The following CCDC3 variants were observed in gnomAD, a reference collection of about 807,000 sequenced individuals.
CCDC3 encodes coiled-coil domain containing 3.
In CCDC3, 24 loss-of-function variants were observed where a neutral mutation model predicts 21.4. The observed-to-expected ratio is 1.12, with a 90% CI of 0.81 to 1.58. The LOEUF is 1.58. Ranked by LOEUF, CCDC3 falls within the 40% of genes most tolerant of loss-of-function variation. The pLI, the probability that CCDC3 is intolerant of heterozygous loss-of-function variation, is 0.00. For missense variants in CCDC3, 425 were observed against 360.9 expected, an observed-to-expected ratio of 1.18 and a Z score of -1.44; for synonymous variants, 186 against 166.0, an observed-to-expected ratio of 1.12 and a Z score of -0.93.
At chr10:12,917,388 G>A (rs1029387087) in intron 2 of CCDC3, among the ~76,000 whole-genome samples, 28 of 151,860 alleles carry the variant, frequency 1.8e-4, no homozygotes, top group African/African-American at 5.3e-4. Flanking sequence ...AGTAGAGACG[G>A]GGTTTCACCG....
intron 2 of CCDC3, among the ~76,000 whole-genome samples, chr10:12,905,526 G>A (rs1834156262): frequency 2.0e-5 from 3 of 152,242 alleles, no homozygotes; most frequent in African/African-American, 4.8e-5. Flanking sequence ...TGCCAGAGAC[G>A]CCCAAGAACC....
intron 5 of CCDC3, among the ~76,000 whole-genome samples, chr10:13,030,042 G>A (rs917176116): frequency 3.3e-5 from 5 of 152,192 alleles, no homozygotes; most frequent in African/African-American, 1.2e-4. Flanking sequence ...ATAATTGTCA[G>A]ATTCACCAAA....
rs149934361 is a variant in CCDC3, at chr10:13,062,231, A to G, written c.-270+11637T>C. The stretch of plus-strand genomic sequence containing the variant: ...TCAGAGCTTAGTCCTCAGTCTGAAT[A>G]TAAGGAATAATTGTGCTTCTCCTGA... On this transcript the variant is annotated intron_variant, in intron 4 of 6. Transcript: ENST00000378839. Among the ~76,000 whole-genome samples, 6 of 152,292 alleles carry G rather than the reference A, an allele frequency of 3.9e-5. No individual in the cohort carries two copies. In the East Asian group the frequency reaches 5.8e-4, roughly 15 times the overall value.
At chr10:13,025,749 TTGAG>T (rs1480147309) in intron 5 of CCDC3, among the ~76,000 whole-genome samples, 10 of 152,216 alleles carry the variant, frequency 6.6e-5, no homozygotes, top group African/African-American at 2.4e-4. Flanking sequence ...CTTTTGTAAC[TTGAG>T]TCTCACTCTC....
At position 12,898,131 on chromosome 10, in the gene CCDC3, G is replaced by A. The variant is rs996835547; in HGVS notation, c.*285C>T. Reference sequence around the variant, plus strand: ...CTCTCCCCAGTCAGGGCTCTTTCTGGGCTGCTCTGCAGGCGAGCATTCAGC... The same window carrying A: ...CTCTCCCCAGTCAGGGCTCTTTCTGAGCTGCTCTGCAGGCGAGCATTCAGC... On this transcript the variant is annotated 3_prime_UTR_variant, in exon 3 of 3. Transcript: ENST00000378825. 1.6e-5 allele frequency: 7 copies of A among 450,688 alleles called. No homozygotes were observed. Among genetic ancestry groups the A allele is most frequent in the Non-Finnish European group, 2.0e-5 (5 of 253,970 alleles). The allele number at this position is 450,688 out of a possible 1,614,324, so 27.9% of individuals were successfully genotyped here. A position where few individuals can be genotyped will look rare whatever the true frequency, so the allele number is the denominator to read the frequency against.
chr10:12,997,955 G>T (rs1835787968), intron 2 of CCDC3, among the ~76,000 whole-genome samples: 1 of 152,126 alleles, frequency 6.6e-6, no homozygotes, highest in Non-Finnish European at 1.5e-5. Flanking sequence ...AATGTTCTAA[G>T]AAAGTTTACA....
chr10:12,948,893 G>A (rs560439406), intron 2 of CCDC3, among the ~76,000 whole-genome samples: 35 of 84,256 alleles, frequency 4.2e-4, no homozygotes, highest in Admixed American at 1.1e-3. Context: ...CACCATGCCC[G>A]GCTAATTTTT....
intron 4 of CCDC3, among the ~76,000 whole-genome samples, chr10:13,058,937 A>G (rs1836717535): frequency 6.6e-6 from 1 of 152,118 alleles, no homozygotes; most frequent in Non-Finnish European, 1.5e-5. Flanking sequence ...CTTCACATAC[A>G]CTATCTCAAT....
intron 3 of CCDC3, among the ~76,000 whole-genome samples, chr10:13,088,317 T>C (rs1837137415): frequency 6.6e-6 from 1 of 152,190 alleles, no homozygotes; most frequent in Non-Finnish European, 1.5e-5. Context: ...GCTCTAAAGA[T>C]AGAAAGAATC....
intron 2 of CCDC3, among the ~76,000 whole-genome samples, chr10:12,915,576 C>T (rs1834340346): frequency 6.6e-6 from 1 of 152,090 alleles, no homozygotes; most frequent in Non-Finnish European, 1.5e-5. Flanking sequence ...TTGGTGTTTG[C>T]ACATTTGAGG....
chr10:12,918,409 C>T (rs944883360), intron 2 of CCDC3, among the ~76,000 whole-genome samples: 6 of 152,194 alleles, frequency 3.9e-5, no homozygotes, highest in African/African-American at 1.4e-4. Context: ...TAGACTATTG[C>T]AAAGTTATAC....
In CCDC3 at chr10:12,898,279, A is replaced by G; in HGVS notation, c.*137T>C. 2.1e-6 allele frequency: 2 copies of G among 973,728 alleles called. No individual in the cohort carries two copies. Among genetic ancestry groups the G allele is most frequent in the Non-Finnish European group, 3.0e-6 (2 of 670,052 alleles). 60.3% of individuals were successfully genotyped at this position (973,728 alleles called of 1,614,324 possible). On this transcript the variant is annotated 3_prime_UTR_variant, in exon 3 of 3. Transcript: ENST00000378825. ...AAGGGGAAAGCAAGCCTTGCATTTT[A>G]TCCATTTAGACTCTACCAAATGCGT...
intron 2 of CCDC3, among the ~76,000 whole-genome samples, chr10:12,989,405 A>C (rs1003985279): frequency 3.9e-5 from 6 of 152,112 alleles, no homozygotes; most frequent in African/African-American, 1.4e-4. Context: ...TCATTCATTC[A>C]TTACTCACTC....
intron 4 of CCDC3, among the ~76,000 whole-genome samples, chr10:13,072,671 G>GT (rs993997965): frequency 7.0e-6 from 1 of 142,448 alleles, no homozygotes; most frequent in Admixed American, 7.4e-5. Flanking sequence ...ACTTTGCTGA[G>GT]TTTTTTCTTT....
At chr10:13,014,115 C>T (rs946708978) in intron 5 of CCDC3, among the ~76,000 whole-genome samples, 1 of 151,776 alleles carries the variant, frequency 6.6e-6, no homozygotes, top group Non-Finnish European at 1.5e-5. Flanking sequence ...CACGCCATTG[C>T]ACTCCAGCCT....
intron 2 of CCDC3, among the ~76,000 whole-genome samples, chr10:12,991,294 G>A (rs1330001346): frequency 6.6e-6 from 1 of 151,300 alleles, no homozygotes; most frequent in Non-Finnish European, 1.5e-5. Flanking sequence ...ACCAAAGCTT[G>A]AACATATGTT....
intron 5 of CCDC3, among the ~76,000 whole-genome samples, chr10:13,024,850 A>G (rs1204798620): frequency 2.0e-5 from 3 of 152,134 alleles, no homozygotes; most frequent in Non-Finnish European, 4.4e-5. Context: ...TTCTGCCAAT[A>G]CATAACTTGG....
intron 3 of CCDC3, among the ~76,000 whole-genome samples, chr10:13,096,615 C>T (rs749504034): frequency 4.6e-5 from 7 of 152,126 alleles, no homozygotes; most frequent in Admixed American, 6.5e-5. Context: ...AAGTAAGGGC[C>T]ATTTATTTTT....
intron 2 of CCDC3, among the ~76,000 whole-genome samples, chr10:12,966,359 G>C (rs1257257823): frequency 6.6e-6 from 1 of 151,948 alleles, no homozygotes; most frequent in African/African-American, 2.4e-5. Flanking sequence ...TCTATAGGAG[G>C]AATCTCCCTT....
Sources: allele counts gnomAD v4.1 joint callset (sites outside exome capture counted in the v4.1 genomes callset), GRCh38; gene constraint gnomAD v4.1.1; transcripts MANE v1.5; gene names NCBI Gene and HGNC (gene_info 2026-07-23, HGNC 2026-07-21).